Variants in ZUP1 observed in about 807,000 individuals in gnomAD.
The protein encoded by ZUP1 is zinc finger-containing ubiquitin peptidase 1.
ZUP1 carries 55 observed loss-of-function variants against 68.1 expected under a neutral mutation model. That is an observed-to-expected ratio of 0.81 (90% confidence interval 0.65 to 1.01). The LOEUF (loss-of-function observed/expected upper bound fraction) is 1.01, where lower values mean the gene tolerates loss of function less well. ZUP1 is among the 50% of genes least tolerant of loss of function. ZUP1 has a pLI of 0.00. For missense variants in ZUP1, 684 were observed against 674.9 expected (o/e 1.01, Z -0.15); for synonymous variants, 223 against 221.5 (o/e 1.01, Z -0.06).
In ZUP1 at chr6:116,645,707, T is replaced by C; in HGVS notation, c.1689+7A>G. On this transcript the variant is annotated splice_region_variant and intron_variant, in intron 9 of 9. Transcript: ENST00000368576. ...CAAACTTCACATATAAATATTTAGA[T>C]ACTTACAAGTTTCTCCTCTAGAGAA... The C allele has an allele frequency of 1.3e-6, 2 of 1,571,792 alleles. No homozygotes were observed. The highest frequency in any genetic ancestry group is 1.7e-6 in the Non-Finnish European group (2 of 1,154,752).
At position 116,651,686 on chromosome 6, in the gene ZUP1, C is replaced by T. The variant is rs779454255; in HGVS notation, c.1202G>A (p.Trp401Ter). The change falls in exon 7 of 10, where the codon TGG becomes TAG. Residue 401 changes from tryptophan (W) to a stop codon, truncating the protein, a stop_gained. Transcript: ENST00000368576. LOFTEE classifies it high-confidence loss of function. ...CCCCTGAGGATCAAAACCTTCCTTCCATGCATCTTCAATCATAGATTGAAT... is the reference window on the plus strand; with the variant it reads ...CCCCTGAGGATCAAAACCTTCCTTCTATGCATCTTCAATCATAGATTGAAT... ...PKIQSMIEDA[W>*]KEGFDPQGAS... 6.2e-7 allele frequency: 1 copy of T among 1,613,814 alleles called. No homozygotes were observed. Among genetic ancestry groups the T allele is most frequent in the Non-Finnish European group, 8.5e-7 (1 of 1,179,834 alleles).
Position 116,635,770 on chromosome 6 carries a change from T to C in ZUP1, c.*62A>G. On this transcript the variant is annotated 3_prime_UTR_variant, in exon 10 of 10. Transcript: ENST00000368576. ...TTCATAATTGTATTAAGGAGTTCAA[T>C]ATCTACATTTAGAAAACAAAGTATT... 7.4e-6 allele frequency: 10 copies of C among 1,343,770 alleles called. No individual in the cohort carries two copies. Among genetic ancestry groups the C allele is most frequent in the East Asian group, 2.4e-5 (1 of 41,864 alleles). The allele number at this position is 1,343,770 out of a possible 1,614,324, so 83.2% of individuals were successfully genotyped here.
At position 116,651,431 on chromosome 6, in the gene ZUP1, T is replaced by C. The variant is rs1282009803; in HGVS notation, c.1316+141A>G. The C allele has an allele frequency of 1.1e-5, 7 of 633,902 alleles. 1 individual carries two copies. Among genetic ancestry groups the C allele is most frequent in the South Asian group, 4.6e-5 (2 of 43,938 alleles). 39.3% of individuals were successfully genotyped at this position (633,902 alleles called of 1,614,324 possible). Reference sequence around the variant, plus strand: ...GTAGAGAAGAGCACAAGATAGTGAATAGGCTGCTGATTTTCATTGCTACTT... The same window carrying C: ...GTAGAGAAGAGCACAAGATAGTGAACAGGCTGCTGATTTTCATTGCTACTT... On this transcript the variant is annotated intron_variant, in intron 7 of 9. Transcript: ENST00000368576.
At chr6:116,644,452 G>A (rs1230801064) in intron 9 of ZUP1, among the ~76,000 whole-genome samples, 4 of 152,262 alleles carry the variant, frequency 2.6e-5, no homozygotes, top group African/African-American at 7.2e-5. Flanking sequence ...ATGTCCAACA[G>A]TGATAGACTG....
At chr6:116,649,910 T>TG (rs1317706688) in intron 7 of ZUP1, among the ~76,000 whole-genome samples, 3 of 151,892 alleles carry the variant, frequency 2.0e-5, no homozygotes, top group African/African-American at 7.3e-5. Flanking sequence ...CAAACAGATA[T>TG]GAAAAAATAC....
intron 9 of ZUP1, among the ~76,000 whole-genome samples, chr6:116,636,471 T>C (rs1056943093): frequency 4.6e-5 from 7 of 152,290 alleles, no homozygotes; most frequent in South Asian, 4.1e-4. Context: ...ATTGCATAAA[T>C]CTGTATTTAC....
intron 2 of ZUP1, among the ~76,000 whole-genome samples, chr6:116,665,781 A>G (rs1254605641): frequency 1.4e-5 from 2 of 142,254 alleles, no homozygotes; most frequent in African/African-American, 5.3e-5. Flanking sequence ...TGAAGAGACG[A>G]GCTTTTGCCA....
intron 2 of ZUP1, among the ~76,000 whole-genome samples, chr6:116,662,784 AG>A (rs897036655): frequency 5.3e-5 from 8 of 152,306 alleles, no homozygotes; most frequent in Non-Finnish European, 1.2e-4. Context: ...GAAGTAGAAG[AG>A]GCATCCCCTT....
At chr6:116,659,115 T>C (rs1776757689) in intron 3 of ZUP1, among the ~76,000 whole-genome samples, 191 bp from the exon 4 acceptor site, 1 of 152,124 alleles carries the variant, frequency 6.6e-6, no homozygotes, top group Non-Finnish European at 1.5e-5. Flanking sequence ...TCCATCTAAA[T>C]GACAACTAAC....
chr6:116,645,967 A>G (rs779126043), intron 8 of ZUP1, 33 bp from the exon 9 acceptor site: 1 of 1,436,490 alleles, frequency 7.0e-7, no homozygotes, highest in Non-Finnish European at 9.7e-7. Flanking sequence ...TACATACGTC[A>G]CATCTATTTA....
chr6:116,639,125 A>G (rs1037235451), intron 9 of ZUP1, among the ~76,000 whole-genome samples: 1 of 152,216 alleles, frequency 6.6e-6, no homozygotes, highest in African/African-American at 2.4e-5. Context: ...GGCGGCAGCA[A>G]GGCTGCGGGA....
At chr6:116,657,470 T>A (rs559620873) in intron 4 of ZUP1, among the ~76,000 whole-genome samples, 2 of 152,342 alleles carry the variant, frequency 1.3e-5, no homozygotes, top group South Asian at 2.1e-4. Flanking sequence ...TGTTTTAAAT[T>A]ACATAAGGCA....
intron 7 of ZUP1, among the ~76,000 whole-genome samples, chr6:116,650,398 G>T (rs2115396059): frequency 8.1e-6 from 1 of 122,714 alleles, no homozygotes; most frequent in East Asian, 2.4e-4. Context: ...CTCCAGCCTG[G>T]GCAACACAGC....
chr6:116,644,166 A>G (rs991404337), intron 9 of ZUP1, among the ~76,000 whole-genome samples: 3 of 152,184 alleles, frequency 2.0e-5, no homozygotes, highest in African/African-American at 7.2e-5. Flanking sequence ...TTAGAATGTC[A>G]ATCATTAAAA....
At chr6:116,668,014 T>TA (rs11350087) in intron 1 of ZUP1, among the ~76,000 whole-genome samples, 4 of 151,904 alleles carry the variant, frequency 2.6e-5, no homozygotes, top group African/African-American at 9.7e-5. Context: ...ATAAAAGTGT[T>TA]AAAAAAATAA....
At chr6:116,653,293 CT>C (rs1232245057) in intron 5 of ZUP1, among the ~76,000 whole-genome samples, 1 of 152,010 alleles carries the variant, frequency 6.6e-6, no homozygotes, top group Non-Finnish European at 1.5e-5. Flanking sequence ...TCACAGAATA[CT>C]ATAATTCTTT....
intron 4 of ZUP1, among the ~76,000 whole-genome samples, chr6:116,657,767 T>G (rs1245946138): frequency 6.6e-6 from 1 of 152,160 alleles, no homozygotes; most frequent in East Asian, 1.9e-4. Context: ...TGCACTATCC[T>G]ATCATCACTA....
chr6:116,636,437 GA>G (rs1215660480), intron 9 of ZUP1, among the ~76,000 whole-genome samples: 1 of 145,276 alleles, frequency 6.9e-6, no homozygotes, highest in Non-Finnish European at 1.5e-5. Flanking sequence ...ATCATAATGT[GA>G]AAAAGAATTA....
At chr6:116,639,058 C>A (rs987798389) in intron 9 of ZUP1, among the ~76,000 whole-genome samples, 4 of 152,240 alleles carry the variant, frequency 2.6e-5, no homozygotes, top group Non-Finnish European at 5.9e-5. Context: ...CTCGGAGGGT[C>A]CTACGCCCAC....
Sources: gnomAD v4.1 joint callset for allele counts (sites outside exome capture counted in the v4.1 genomes callset) on GRCh38, gnomAD v4.1.1 for gene constraint, MANE v1.5 for transcripts, NCBI Gene and HGNC (gene_info 2026-07-23, HGNC 2026-07-21) for gene names.